GORASP2: variants seen among roughly 807,000 people sequenced by gnomAD.
GORASP2 encodes the protein Golgi reassembly-stacking protein 2.
A neutral mutation model predicts 45.7 loss-of-function variants in GORASP2; 22 were observed. The ratio of observed to expected loss-of-function variants is 0.48; its 90% confidence interval spans 0.34 to 0.69. The LOEUF (loss-of-function observed/expected upper bound fraction) is 0.69. Ranked by LOEUF, GORASP2 falls within the 30% of genes least tolerant of loss-of-function variation. GORASP2 has a pLI of 0.01. For missense variants in GORASP2, 491 were observed against 562.7 expected (o/e 0.87, Z 1.29); for synonymous variants, 221 against 215.6 (o/e 1.02, Z -0.22).
chr2:170,929,754 G>T, intron 1 of GORASP2: 1 of 511,386 alleles, frequency 2.0e-6, no homozygotes, highest in Non-Finnish European at 3.9e-6. Context: ...CCAAAGTTAG[G>T]AAGGGCGCGG....
Position 170,956,389 on chromosome 2 carries a change from G to A in GORASP2, c.700-47G>A, listed in dbSNP as rs767419253. On this transcript the variant is annotated intron_variant, in intron 6 of 9. Coordinates refer to ENST00000234160, the MANE Select transcript of GORASP2 (RefSeq NM_015530.5). ...AAGAGCCAATATTTATATTTTCTTT[G>A]AAATAAACTTAAGTAATCTTTGTGT... 2.9e-5 allele frequency: 44 copies of A among 1,531,598 alleles called. No individual in the cohort carries two copies. In the Admixed American group the frequency reaches 5.7e-4, roughly 20 times the overall value. The allele number at this position is 1,531,598 out of a possible 1,614,324, so 94.9% of individuals were successfully genotyped here.
intron 1 of GORASP2, among the ~76,000 whole-genome samples, chr2:170,947,182 G>T (rs888191239): frequency 2.0e-4 from 31 of 152,178 alleles, no homozygotes; most frequent in African/African-American, 7.2e-4. Flanking sequence ...AATTTCAGGA[G>T]CTGTAGTATT....
rs1020392251 is a variant in GORASP2, at chr2:170,964,060, A to C, written c.1018+1114A>C. Among the ~76,000 whole-genome samples the C allele has an allele frequency of 5.2e-5, 8 of 152,384 alleles. No individual in the cohort carries two copies. The South Asian group carries it at 6.2e-4, about 12-fold the overall frequency. On this transcript the variant is annotated intron_variant, in intron 9 of 9. Coordinates refer to ENST00000234160, the MANE Select transcript of GORASP2 (RefSeq NM_015530.5). Reference sequence around the variant, plus strand: ...TGGGAAATTTTAGCTGGAGATGTCTACGGTAGCAGATATTCCAAGTGTCTG... The same window carrying C: ...TGGGAAATTTTAGCTGGAGATGTCTCCGGTAGCAGATATTCCAAGTGTCTG...
At chr2:170,949,295 G>A (rs1356205103) in intron 2 of GORASP2, among the ~76,000 whole-genome samples, 2 of 152,092 alleles carry the variant, frequency 1.3e-5, no homozygotes, top group Non-Finnish European at 2.9e-5. Flanking sequence ...AAATAATGTT[G>A]GGTTGCAAAT....
chr2:170,954,604 A>G (rs2105324389), intron 5 of GORASP2, 46 bp from the exon 6 acceptor site: 2 of 1,554,540 alleles, frequency 1.3e-6, no homozygotes, highest in South Asian at 1.2e-5. Context: ...TCAAAGAAAT[A>G]CAAGCTGTGA....
chr2:170,959,086 G>T (rs1021163525), intron 7 of GORASP2, among the ~76,000 whole-genome samples: 6 of 151,544 alleles, frequency 4.0e-5, no homozygotes, highest in African/African-American at 1.5e-4. Context: ...CCAGCCTCCC[G>T]AGTAGCTGGG....
chr2:170,946,501 T>TTG (rs1389198488), intron 1 of GORASP2, among the ~76,000 whole-genome samples: 1 of 152,132 alleles, frequency 6.6e-6, no homozygotes, highest in East Asian at 1.9e-4. Flanking sequence ...AACATTTGAG[T>TTG]TGTTGAGAAG....
At chr2:170,939,680 G>A (rs1418469590) in intron 1 of GORASP2, among the ~76,000 whole-genome samples, 1 of 152,130 alleles carries the variant, frequency 6.6e-6, no homozygotes, top group Non-Finnish European at 1.5e-5. Flanking sequence ...AGTATATGTA[G>A]GGTTTGGTAC....
chr2:170,936,004 C>CTT (rs1703943070), intron 1 of GORASP2, among the ~76,000 whole-genome samples: 2 of 152,172 alleles, frequency 1.3e-5, no homozygotes. Flanking sequence ...GAGTGTACAA[C>CTT]ACTGATTCTT....
chr2:170,958,674 TAAAAA>T (rs71008732), intron 7 of GORASP2, among the ~76,000 whole-genome samples: 6 of 99,206 alleles, frequency 6.0e-5, no homozygotes, highest in African/African-American at 2.4e-4. Flanking sequence ...TTTTTTTTTT[TAAAAA>T]AAAAAAAAAC....
At chr2:170,961,309 G>T (rs561443558) in intron 7 of GORASP2, among the ~76,000 whole-genome samples, 2 of 152,330 alleles carry the variant, frequency 1.3e-5, no homozygotes, top group African/African-American at 4.8e-5. Context: ...TAGGAGCCCA[G>T]TTGAGATTGA....
At chr2:170,933,227 G>A (rs1703870401) in intron 1 of GORASP2, among the ~76,000 whole-genome samples, 1 of 152,108 alleles carries the variant, frequency 6.6e-6, no homozygotes, top group Admixed American at 6.5e-5. Context: ...TATATAGTGG[G>A]TCAGATTTGT....
intron 9 of GORASP2, among the ~76,000 whole-genome samples, chr2:170,965,071 C>G (rs572771820): frequency 4.0e-5 from 6 of 150,938 alleles, no homozygotes; most frequent in Non-Finnish European, 5.9e-5. Context: ...CCACCACGCC[C>G]GGCTAATTTT....
chr2:170,945,383 T>A (rs1033552918), intron 1 of GORASP2, among the ~76,000 whole-genome samples: 4 of 150,866 alleles, frequency 2.7e-5, no homozygotes, highest in Admixed American at 6.6e-5. Flanking sequence ...CTAGAAAAAA[T>A]TTAAAAATTA....
intron 8 of GORASP2, among the ~76,000 whole-genome samples, chr2:170,962,203 G>T (rs955162749): frequency 1.3e-5 from 2 of 152,220 alleles, no homozygotes; most frequent in Non-Finnish European, 2.9e-5. Context: ...TGAAGACCAA[G>T]TCCCTTTATC....
intron 5 of GORASP2, 172 bp from the exon 6 acceptor site, chr2:170,954,478 T>C (rs2105324270): frequency 1.7e-6 from 1 of 596,590 alleles, no homozygotes; most frequent in South Asian, 2.1e-5. Context: ...TGACATTATC[T>C]AAAAGAATAG....
intron 1 of GORASP2, among the ~76,000 whole-genome samples, chr2:170,937,209 A>C (rs1194597377): frequency 6.7e-6 from 1 of 149,610 alleles, no homozygotes; most frequent in African/African-American, 2.4e-5. Flanking sequence ...CTCCATCACA[A>C]AAAAAAAAAA....
chr2:170,965,941 C>A lies in GORASP2; in HGVS notation c.1170C>A (p.Thr390=). The change falls in exon 10 of 10, where the codon ACC becomes ACA. Residue 390 remains threonine (T), a synonymous_variant. Transcript: ENST00000234160. The stretch of plus-strand genomic sequence containing the variant: ...AGCTGCTGTCTTCCCTCCCGCCCAC[C>A]AGCAACGCACCCTCCGACCCTGCCA... ...SGELLSSLPP[T]SNAPSDPATT... is the part of the protein sequence containing the mutation. 1 of 1,613,982 alleles carries A rather than the reference C, an allele frequency of 6.2e-7. No individual in the cohort carries two copies. The highest frequency in any genetic ancestry group is 8.5e-7 in the Non-Finnish European group (1 of 1,179,972).
chr2:170,953,383 A>AAATT (rs1704347646), intron 5 of GORASP2, among the ~76,000 whole-genome samples: 1 of 127,406 alleles, frequency 7.8e-6, no homozygotes, highest in African/African-American at 2.7e-5. Flanking sequence ...ATAAATAAAT[A>AAATT]AAATTAAAAA....
Sources: gnomAD v4.1 joint callset for allele counts (sites outside exome capture counted in the v4.1 genomes callset) on GRCh38, gnomAD v4.1.1 for gene constraint, MANE v1.5 for transcripts, NCBI Gene and HGNC (gene_info 2026-07-23, HGNC 2026-07-21) for gene names.